The following CABLES1 variants were observed in gnomAD, a reference collection of about 807,000 sequenced individuals.
The protein encoded by CABLES1 is Cdk5 and Abl enzyme substrate 1, also known as CDK5 and ABL1 enzyme substrate 1.
In CABLES1, 36 loss-of-function variants were observed where a neutral mutation model predicts 57.8. The observed-to-expected ratio is 0.62, with a 90% CI of 0.48 to 0.82. The LOEUF (loss-of-function observed/expected upper bound fraction) is 0.82, where lower values mean the gene tolerates loss of function less well. CABLES1 is among the 40% of genes least tolerant of loss of function. The pLI, the probability that CABLES1 is intolerant of heterozygous loss-of-function variation, is 0.00. For synonymous variants in CABLES1, 374 were observed against 363.0 expected (o/e 1.03, Z -0.35); for missense variants, 767 against 836.6 (o/e 0.92, Z 1.03).
chr18:23,217,644 C>G (rs940410113), intron 4 of CABLES1, among the ~76,000 whole-genome samples: 44 of 152,154 alleles, frequency 2.9e-4, no homozygotes, highest in African/African-American at 9.7e-4. Flanking sequence ...AATTGGGAAA[C>G]AACTATGCTC....
At chr18:23,171,153 C>T (rs985411329) in intron 1 of CABLES1, among the ~76,000 whole-genome samples, 1 of 152,214 alleles carries the variant, frequency 6.6e-6, no homozygotes, top group Non-Finnish European at 1.5e-5. Context: ...GTTTCATTAA[C>T]GTGATCTGTA....
intron 1 of CABLES1, among the ~76,000 whole-genome samples, chr18:23,156,431 AC>A (rs1289721412): frequency 6.6e-6 from 1 of 152,184 alleles, no homozygotes; most frequent in African/African-American, 2.4e-5. Context: ...TCGCTTCAGG[AC>A]CCTGGACGTC....
At chr18:23,197,054 G>T (rs925257583) in intron 3 of CABLES1, 4 of 152,260 alleles carry the variant, frequency 2.6e-5, no homozygotes, top group African/African-American at 9.6e-5. Flanking sequence ...TGCAGCTCAA[G>T]AAATGAACAG....
intron 1 of CABLES1, among the ~76,000 whole-genome samples, chr18:23,142,302 TC>T (rs2046862704): frequency 6.6e-6 from 1 of 152,234 alleles, no homozygotes; most frequent in East Asian, 1.9e-4. Flanking sequence ...TCAGCTGTGT[TC>T]CTTCAGGCAC....
chr18:23,160,247 C>G (rs1195652991), intron 1 of CABLES1, among the ~76,000 whole-genome samples: 1 of 152,028 alleles, frequency 6.6e-6, no homozygotes, highest in Non-Finnish European at 1.5e-5. Context: ...CTATGTTGGC[C>G]AGGCTGGTCT....
At chr18:23,150,207 G>GTTTTTTTGTTTTTTTTGTTTTTGTT (rs1555658965) in intron 1 of CABLES1, among the ~76,000 whole-genome samples, 1 of 106,662 alleles carries the variant, frequency 9.4e-6, no homozygotes, top group Non-Finnish European at 1.7e-5. Context: ...GTTGGTGTTT[G>GTTTTTTTGTTTTTTTTGTTTTTGTT]TTTTTTTTTT....
intron 1 of CABLES1, among the ~76,000 whole-genome samples, chr18:23,143,083 T>C (rs906879392): frequency 1.3e-5 from 2 of 152,198 alleles, no homozygotes; most frequent in Non-Finnish European, 2.9e-5. Context: ...GCTTGTTAAA[T>C]AGGCTTCAGC....
intron 1 of CABLES1, 54 bp downstream of exon 1, chr18:23,136,661 C>G: frequency 8.5e-7 from 1 of 1,181,806 alleles, no homozygotes; most frequent in Non-Finnish European, 1.1e-6. Flanking sequence ...CCGGCGCTCC[C>G]AGCCTCCCCG....
intron 7 of CABLES1, among the ~76,000 whole-genome samples, chr18:23,240,549 G>C (rs998790143): frequency 6.6e-6 from 1 of 152,266 alleles, no homozygotes; most frequent in Non-Finnish European, 1.5e-5. Context: ...CACTAGGCTA[G>C]TGTGAGGATC....
intron 1 of CABLES1, among the ~76,000 whole-genome samples, chr18:23,152,967 G>A (rs981668624): frequency 1.3e-5 from 2 of 149,908 alleles, no homozygotes; most frequent in African/African-American, 4.9e-5. Context: ...ACGCCCTGCT[G>A]TTTTTTGTAT....
chr18:23,208,607 C>T (rs2145046058), intron 3 of CABLES1, among the ~76,000 whole-genome samples: 1 of 152,312 alleles, frequency 6.6e-6, no homozygotes, highest in South Asian at 2.1e-4. Flanking sequence ...TCTCTGTGCA[C>T]AGCACTCATA....
chr18:23,174,821 C>CATATATAT (rs569579022), intron 1 of CABLES1, among the ~76,000 whole-genome samples: 1,498 of 94,402 alleles, frequency 0.016, 20 homozygotes, highest in Middle Eastern at 0.024. Context: ...CATGTTACAC[C>CATATATAT]ATATATATAT....
At chr18:23,168,641 A>G (rs1305872856) in intron 1 of CABLES1, among the ~76,000 whole-genome samples, 1 of 152,196 alleles carries the variant, frequency 6.6e-6, no homozygotes, top group African/African-American at 2.4e-5. Context: ...TTAATAAAAA[A>G]CAAAAACAGG....
At position 23,248,191 on chromosome 18, in the gene CABLES1, G is replaced by A. The variant is rs765016964; in HGVS notation, c.1447-4769G>A. Among the ~76,000 whole-genome samples the A allele has an allele frequency of 7.2e-5, 11 of 152,070 alleles. No homozygotes were observed. In the East Asian group the frequency reaches 1.2e-3, roughly 16 times the overall value. ...ATAAAAATGGGTCAGGGAGTGTGGC[G>A]CAGGGGCAGGGGCAGGACTCAGACT... On this transcript the variant is annotated intron_variant, in intron 7 of 9. Transcript: ENST00000256925.
intron 4 of CABLES1, among the ~76,000 whole-genome samples, chr18:23,217,238 C>T (rs1387292593): frequency 6.6e-6 from 1 of 152,040 alleles, no homozygotes; most frequent in African/African-American, 2.4e-5. Context: ...CGCGCCACCA[C>T]ACCCAGCTAA....
At position 23,155,685 on chromosome 18, in the gene CABLES1, G is replaced by A. The variant is rs147363949; in HGVS notation, c.845+19078G>A. The A allele has an allele frequency of 4.3e-4, 267 of 618,416 alleles. 2 individuals are homozygous for A. In the African/African-American group the frequency reaches 4.5e-3, roughly 10 times the overall value. The allele number at this position is 618,416 out of a possible 1,614,324, so 38.3% of individuals were successfully genotyped here. On this transcript the variant is annotated intron_variant, in intron 1 of 9. Transcript: ENST00000256925. The stretch of plus-strand genomic sequence containing the variant: ...ACACAAGGGTATTTCTGTCTGGGGC[G>A]GCAGGACCTCATGTGGTCTCCACGT...
At chr18:23,194,660 G>T in intron 3 of CABLES1, 120 bp downstream of exon 3, 1 of 658,394 alleles carries the variant, frequency 1.5e-6, no homozygotes, top group Admixed American at 2.6e-5. Context: ...AAGATGAGCA[G>T]GATCTCATGG....
intron 8 of CABLES1, among the ~76,000 whole-genome samples, chr18:23,253,272 C>A (rs2048083882): frequency 6.6e-6 from 1 of 152,166 alleles, no homozygotes; most frequent in African/African-American, 2.4e-5. Context: ...CACCTGAGGT[C>A]AGGGGCTTGA....
At chr18:23,177,718 C>T (rs908090118) in intron 1 of CABLES1, among the ~76,000 whole-genome samples, 1 of 152,152 alleles carries the variant, frequency 6.6e-6, no homozygotes, top group Non-Finnish European at 1.5e-5. Flanking sequence ...GCCCCTCAGG[C>T]CCCCTGCCAT....
Sources: gnomAD v4.1 joint callset for allele counts (sites outside exome capture counted in the v4.1 genomes callset) on GRCh38, gnomAD v4.1.1 for gene constraint, MANE v1.5 for transcripts, NCBI Gene and HGNC (gene_info 2026-07-23, HGNC 2026-07-21) for gene names.